Variants in TPCN2 observed in about 807,000 individuals in gnomAD.
The protein encoded by TPCN2 is two pore channel protein 2.
A neutral mutation model predicts 111.4 loss-of-function variants in TPCN2; 92 were observed. The observed-to-expected ratio is 0.83, with a 90% CI of 0.70 to 0.98. The LOEUF (loss-of-function observed/expected upper bound fraction) is 0.98, where lower values mean the gene tolerates loss of function less well. Ranked by LOEUF, TPCN2 falls within the 50% of genes least tolerant of loss-of-function variation. The pLI, the probability that TPCN2 is intolerant of heterozygous loss-of-function variation, is 0.00. For missense variants in TPCN2, 995 were observed against 980.1 expected (o/e 1.02, Z -0.20); for synonymous variants, 405 against 414.5 (o/e 0.98, Z 0.28).
intron 7 of TPCN2, among the ~76,000 whole-genome samples, chr11:69,065,765 T>G (rs1196743337): frequency 6.6e-6 from 1 of 152,048 alleles, no homozygotes; most frequent in Admixed American, 6.5e-5. Context: ...CCAGGGTTGG[T>G]GTTGGGGTGT....
intron 13 of TPCN2, among the ~76,000 whole-genome samples, chr11:69,076,804 T>C (rs111200390): frequency 8.8e-5 from 10 of 113,046 alleles, no homozygotes; most frequent in African/African-American, 2.6e-4. Context: ...CCTCCTGCCA[T>C]GTCCCTCCAC....
rs372230810 is a variant in TPCN2 at position 69,054,308 on chromosome 11, C to T, written c.174+211C>T. ...GGACGCATTTGCTGCTTTGATGCAC[C>T]GTGTTCTGAGGCCTGTTGTGGACCA... On this transcript the variant is annotated intron_variant, in intron 2 of 24. Coordinates refer to ENST00000294309, the MANE Select transcript of TPCN2 (RefSeq NM_139075.4). 1.3e-3 allele frequency: 793 copies of T among 592,022 alleles called. 17 individuals are homozygous for T. The South Asian group carries it at 0.015, about 11-fold the overall frequency. 36.7% of individuals were successfully genotyped at this position (592,022 alleles called of 1,614,324 possible).
At chr11:69,081,360 CCTG>C in intron 17 of TPCN2, 37 bp from the exon 18 acceptor site, 1 of 1,434,188 alleles carries the variant, frequency 7.0e-7, no homozygotes, top group Non-Finnish European at 9.5e-7. Context: ...CTGTGGGGCT[CCTG>C]GGCTCCTCCC....
intron 13 of TPCN2, among the ~76,000 whole-genome samples, chr11:69,076,651 C>T (rs1249206956): frequency 2.6e-5 from 3 of 114,002 alleles, no homozygotes; most frequent in African/African-American, 1.1e-4. Context: ...TGCCCTCCTG[C>T]CGTGTCCCTC....
At position 69,090,523 on chromosome 11, in the gene TPCN2, G is replaced by T. The variant is rs1856398666; in HGVS notation, c.*2570G>T. On this transcript the variant is annotated 3_prime_UTR_variant, in exon 25 of 25. Coordinates refer to ENST00000294309, the MANE Select transcript of TPCN2 (RefSeq NM_139075.4). Reference sequence around the variant, plus strand: ...GTCACTGTCAGGGCCTTTACAATCAGCAACAGCAAAATCTACATGCTGCTG... The same window carrying T: ...GTCACTGTCAGGGCCTTTACAATCATCAACAGCAAAATCTACATGCTGCTG... 6.6e-6 allele frequency: 1 copy of T among 152,142 alleles called. No homozygotes were observed. Among genetic ancestry groups the T allele is most frequent in the African/African-American group, 2.4e-5 (1 of 41,412 alleles). 9.4% of individuals were successfully genotyped at this position (152,142 alleles called of 1,614,324 possible). A position where few individuals can be genotyped will look rare whatever the true frequency, so the allele number is the denominator to read the frequency against.
At chr11:69,065,634 C>T (rs1471845329) in intron 7 of TPCN2, among the ~76,000 whole-genome samples, 4 of 152,188 alleles carry the variant, frequency 2.6e-5, no homozygotes, top group Non-Finnish European at 5.9e-5. Flanking sequence ...CCAGGCTGTG[C>T]TTCTGGGTGC....
intron 1 of TPCN2, among the ~76,000 whole-genome samples, chr11:69,052,635 G>GC (rs1166310273): frequency 1.3e-5 from 2 of 152,096 alleles, no homozygotes; most frequent in Non-Finnish European, 2.9e-5. Context: ...TCTGTCTGGG[G>GC]CCCCTCACAC....
At chr11:69,061,221 C>T (rs983017635) in intron 5 of TPCN2, among the ~76,000 whole-genome samples, 1 of 152,126 alleles carries the variant, frequency 6.6e-6, no homozygotes, top group Non-Finnish European at 1.5e-5. Flanking sequence ...GCAGAGGTGG[C>T]GTTCTGCAGG....
intron 7 of TPCN2, 93 bp from the exon 8 acceptor site, chr11:69,067,410 T>C: frequency 8.5e-7 from 1 of 1,175,400 alleles, no homozygotes; most frequent in East Asian, 2.4e-5. Flanking sequence ...GGGCGGCGGG[T>C]GGATGGTTCC....
intron 23 of TPCN2, 23 bp from the exon 24 acceptor site, chr11:69,087,089 T>C (rs758377112): frequency 1.8e-5 from 29 of 1,607,138 alleles, no homozygotes; most frequent in Non-Finnish European, 2.5e-5. Flanking sequence ...CCACACTCAC[T>C]GGCCACTCCT....
chr11:69,067,325 C>G (rs1051941493), intron 7 of TPCN2, among the ~76,000 whole-genome samples, 178 bp from the exon 8 acceptor site: 3 of 152,238 alleles, frequency 2.0e-5, no homozygotes, highest in South Asian at 2.1e-4. Context: ...CCCACTCTTG[C>G]GCCCGGAGAT....
chr11:69,084,618 T>C, intron 19 of TPCN2: 1 of 985,440 alleles, frequency 1.0e-6, no homozygotes, highest in Non-Finnish European at 1.2e-6. Flanking sequence ...GAGGCGCCCT[T>C]TGCAGGAAGC....
chr11:69,053,902 G>T (rs1175592243), intron 1 of TPCN2, 131 bp from the exon 2 acceptor site: 9 of 746,336 alleles, frequency 1.2e-5, no homozygotes, highest in Non-Finnish European at 1.8e-5. Flanking sequence ...CCCCACTGCC[G>T]GGTGGAGTCA....
chr11:69,062,123 G>A (rs1199191350), intron 5 of TPCN2, among the ~76,000 whole-genome samples: 1 of 152,118 alleles, frequency 6.6e-6, no homozygotes, highest in Non-Finnish European at 1.5e-5. Flanking sequence ...GAGACGGGGA[G>A]CAGGTGTGTC....
chr11:69,057,503 T>C, intron 4 of TPCN2, 75 bp from the exon 5 acceptor site: 1 of 1,391,740 alleles, frequency 7.2e-7, no homozygotes, highest in Admixed American at 1.7e-5. Flanking sequence ...GTCCCTGCGC[T>C]GCGCACCGTC....
chr11:69,062,755 T>G, intron 5 of TPCN2, 129 bp from the exon 6 acceptor site: 1 of 813,984 alleles, frequency 1.2e-6, no homozygotes, highest in Non-Finnish European at 2.0e-6. Flanking sequence ...GCCCTCCACT[T>G]TGGGCTCAGT....
At chr11:69,054,012 A>ATG (rs763304931) in intron 1 of TPCN2, 21 bp from the exon 2 acceptor site, 26 of 1,610,660 alleles carry the variant, frequency 1.6e-5, no homozygotes, top group Non-Finnish European at 2.2e-5. Flanking sequence ...CGGTCACCTG[A>ATG]TGTGTCCCCT....
In TPCN2 at chr11:69,072,917, G is replaced by T. The variant is rs781062538; in HGVS notation, c.1146G>T (p.Lys382Asn). 4 of 1,611,962 alleles carry T rather than the reference G, an allele frequency of 2.5e-6. No homozygotes were observed. Among genetic ancestry groups the T allele is most frequent in the Non-Finnish European group, 3.4e-6 (4 of 1,178,166 alleles). Residue 382 changes from lysine (K) to asparagine (N), a missense_variant and splice_region_variant, in exon 13 of 25, where the codon AAG becomes AAT. Transcript: ENST00000294309. The stretch of plus-strand genomic sequence containing the variant: ...GACCTGTGCTCCTTCCTGTGCAGAA[G>T]GTGCGTTCCTATGGCAGTGTTCTGC... Reference protein sequence around the residue: ...DSSHKQAMMEKVRSYGSVLLS... With the variant: ...DSSHKQAMMENVRSYGSVLLS...
intron 5 of TPCN2, among the ~76,000 whole-genome samples, chr11:69,060,611 C>G (rs912858074): frequency 2.6e-5 from 4 of 152,176 alleles, no homozygotes; most frequent in African/African-American, 9.7e-5. Context: ...GGCTAGTCAC[C>G]TGGATGTACC....
Sources: allele counts gnomAD v4.1 joint callset (sites outside exome capture counted in the v4.1 genomes callset), GRCh38; gene constraint gnomAD v4.1.1; transcripts MANE v1.5; gene names NCBI Gene and HGNC (gene_info 2026-07-23, HGNC 2026-07-21).